Variants in SLC25A23 observed in about 807,000 individuals in gnomAD.
The protein encoded by SLC25A23 is solute carrier family 25 member 23, also known as mitochondrial adenyl nucleotide antiporter SLC25A23.
Under a neutral mutation model 53.9 loss-of-function variants are expected in SLC25A23, and 32 were observed. The observed-to-expected ratio is 0.59, with a 90% confidence interval of 0.45 to 0.80. The LOEUF (loss-of-function observed/expected upper bound fraction) is 0.80. SLC25A23 is among the 30% of genes least tolerant of loss of function. The probability of loss-of-function intolerance (pLI) is 0.00; values close to 1 mark genes in which losing one functional copy is unlikely to be tolerated. For missense variants in SLC25A23, 575 were observed against 651.4 expected, an observed-to-expected ratio of 0.88 and a Z score of 1.28; for synonymous variants, 275 against 264.5, an observed-to-expected ratio of 1.04 and a Z score of -0.38.
In SLC25A23 at chr19:6,454,294, A is replaced by G. The variant is rs2092641180; in HGVS notation, c.795+29T>C. The G allele has an allele frequency of 1.2e-6, 2 of 1,602,350 alleles. No individual in the cohort carries two copies. Among genetic ancestry groups the G allele is most frequent in the Non-Finnish European group, 1.7e-6 (2 of 1,172,892 alleles). ...GTACAGCCCAGTCTTCCCTATGGCA[A>G]GCACATTCCTCCCTGTACCTGCCCT... is the stretch of plus-strand genomic sequence containing the variant. On this transcript the variant is annotated intron_variant, in intron 6 of 9. Transcript: ENST00000301454. The surrounding 1 kb of genome is among the most constrained non-coding windows in gnomAD (Gnocchi z 4.3).
intron 4 of SLC25A23, chr19:6,456,008 T>G: frequency 7.7e-7 from 1 of 1,295,654 alleles, no homozygotes; most frequent in Non-Finnish European, 1.0e-6. Flanking sequence ...TGTGAGCCAC[T>G]GCGCCTGGCC....
At chr19:6,445,253 C>T (rs995769155) in intron 8 of SLC25A23, among the ~76,000 whole-genome samples, 7 of 152,140 alleles carry the variant, frequency 4.6e-5, no homozygotes, top group African/African-American at 1.2e-4. Flanking sequence ...GGATTACAAG[C>T]GTGTGCCATC....
At chr19:6,439,636 C>A (rs2092389819), downstream of SLC25A23, among the ~76,000 whole-genome samples, 1 of 151,234 alleles carries the variant, frequency 6.6e-6, no homozygotes, top group African/African-American at 2.4e-5. Context: ...CGAGACCAGC[C>A]TGGCCAACAT....
At chr19:6,439,434 C>G (rs1022157446), downstream of SLC25A23, among the ~76,000 whole-genome samples, 2 of 151,350 alleles carry the variant, frequency 1.3e-5, no homozygotes, top group East Asian at 2.0e-4. Context: ...CACACACACA[C>G]AGACACACAA....
chr19:6,458,345 A>G (rs2092712488), intron 1 of SLC25A23, 21 bp from the exon 2 acceptor site: 1 of 1,609,410 alleles, frequency 6.2e-7, no homozygotes, highest in Non-Finnish European at 8.5e-7. Context: ...GAAAGGGGAT[A>G]GAGGTGGCTC....
Position 6,452,439 on chromosome 19 carries a change from T to C in SLC25A23, c.944A>G (p.Tyr315Cys). The C allele has an allele frequency of 1.2e-6, 2 of 1,613,192 alleles. No homozygotes were observed. The highest frequency in any genetic ancestry group is 8.5e-7 in the Non-Finnish European group (1 of 1,179,438). The stretch of plus-strand genomic sequence containing the variant: ...CCTGGCGCAGTCCAGCAGCCCCTTA[T>C]ACTGGCCCGTCCGGCGCAAGGTCAG... Reference protein sequence around the residue: ...TRLTLRRTGQYKGLLDCARRI... With the variant: ...TRLTLRRTGQCKGLLDCARRI... Residue 315 changes from tyrosine to cysteine, a missense_variant, in exon 8 of 10, where the codon TAT becomes TGT. Tyr to Cys is a radical substitution (Grantham distance 194). Coordinates refer to ENST00000301454, the MANE Select transcript of SLC25A23 (RefSeq NM_024103.3).
chr19:6,446,170 C>A (rs1367579154), intron 8 of SLC25A23, among the ~76,000 whole-genome samples: 7 of 152,064 alleles, frequency 4.6e-5, no homozygotes, highest in Admixed American at 4.6e-4. Flanking sequence ...TCGAGACCAG[C>A]CTGGCCAATA....
chr19:6,441,677 G>T lies in SLC25A23; in HGVS notation c.*298C>A. ...GGATAATCTTGAATCTTGTGGTTAG[G>T]GTAGCAGACTTGAGTTGCTGAAGTA... is the stretch of plus-strand genomic sequence containing the variant. On this transcript the variant is annotated 3_prime_UTR_variant, in exon 10 of 10. Coordinates refer to ENST00000301454, the MANE Select transcript of SLC25A23 (RefSeq NM_024103.3). The T allele has an allele frequency of 4.6e-6, 2 of 439,092 alleles. No individual in the cohort carries two copies. Among genetic ancestry groups the T allele is most frequent in the Non-Finnish European group, 8.4e-6 (2 of 237,428 alleles). 27.2% of individuals were successfully genotyped at this position (439,092 alleles called of 1,614,324 possible). A position where few individuals can be genotyped will look rare whatever the true frequency, so the allele number is the denominator to read the frequency against.
chr19:6,442,171 C>CTGGGGGGGGGG lies in SLC25A23; in HGVS notation c.1223-13_1223-12insCCCCCCCCCCA. ...ACCCTCGATGGAGGCTGGGAGGGGGCGGGGGGGGCACCAGGTAAGGCCAAC... is the reference window on the plus strand; with the variant it reads ...ACCCTCGATGGAGGCTGGGAGGGGGCTGGGGGGGGGGGGGGGGGGCACCAGGTAAGGCCAAC... On this transcript the variant is annotated splice_polypyrimidine_tract_variant and intron_variant, in intron 9 of 9. Transcript: ENST00000301454. 1 of 597,880 alleles carries CTGGGGGGGGGG rather than the reference C, an allele frequency of 1.7e-6. No homozygotes were observed. Among genetic ancestry groups the CTGGGGGGGGGG allele is most frequent in the South Asian group, 2.1e-5 (1 of 46,782 alleles). The allele number at this position is 597,880 out of a possible 1,614,324, so 37.0% of individuals were successfully genotyped here. A position where few individuals can be genotyped will look rare whatever the true frequency, so the allele number is the denominator to read the frequency against.
rs76354476 is a variant in SLC25A23, at chr19:6,444,325, A to C, written c.1072-24T>G. The C allele has an allele frequency of 3.5e-3, 2,475 of 706,952 alleles. 34 individuals are homozygous for C. The African/African-American group carries it at 0.037, about 11-fold the overall frequency. 43.8% of individuals were successfully genotyped at this position (706,952 alleles called of 1,614,324 possible). ...GTCTGGAGTGGAGAAGGGAGTAGGG[A>C]GGGTTGGGGTGGGTGACCCTAGGAC... On this transcript the variant is annotated intron_variant, in intron 8 of 9. Coordinates refer to ENST00000301454, the MANE Select transcript of SLC25A23 (RefSeq NM_024103.3).
At position 6,441,985 on chromosome 19, in the gene SLC25A23, G is replaced by T. The variant is rs753323405; in HGVS notation, c.1397C>A (p.Thr466Lys). The change falls in exon 10 of 10, where the codon ACG becomes AAG. Residue 466 changes from threonine to lysine, a missense_variant. Physicochemically the swap from Thr to Lys is moderately conservative, Grantham distance 78. Transcript: ENST00000301454. ...CGGGCTCCGGGTCCCTCACCTGGAC[G>T]TGACCCCCAAGGCCTGCTTCATGTT... ...YENMKQALGV[T>K]SR is the part of the protein sequence containing the mutation. The T allele has an allele frequency of 1.2e-6, 2 of 1,613,598 alleles. No homozygotes were observed. The highest frequency in any genetic ancestry group is 1.7e-6 in the Non-Finnish European group (2 of 1,179,900).
chr19:6,452,199 C>T (rs956982637), intron 8 of SLC25A23, 113 bp downstream of exon 8: 1 of 1,443,112 alleles, frequency 6.9e-7, no homozygotes, highest in Non-Finnish European at 9.3e-7. Flanking sequence ...CTCATAACTG[C>T]CTTTCTCTAA....
downstream of SLC25A23, among the ~76,000 whole-genome samples, chr19:6,439,525 G>T (rs186754178): frequency 3.3e-5 from 5 of 151,842 alleles, no homozygotes; most frequent in East Asian, 9.7e-4. Flanking sequence ...ATTGAAATTT[G>T]TAATTTGAAA....
rs763652366 is a variant in SLC25A23 at position 6,441,943 on chromosome 19, G to A, written c.*32C>T. 186 of 1,604,010 alleles carry A rather than the reference G, an allele frequency of 1.2e-4. 4 individuals carry two copies. The Admixed American group carries it at 2.8e-3, about 25-fold the overall frequency. ...GTCTCCAGTGGCTGAGGTGTGGGGG[G>A]TGAGGGATTGGGGGGACGGGCTCCG... On this transcript the variant is annotated 3_prime_UTR_variant, in exon 10 of 10. Transcript: ENST00000301454.
At chr19:6,458,502 CCA>C (rs1473490794) in intron 1 of SLC25A23, among the ~76,000 whole-genome samples, 178 bp from the exon 2 acceptor site, 2 of 152,152 alleles carry the variant, frequency 1.3e-5, no homozygotes, top group African/African-American at 4.8e-5. Context: ...CCTACAGCCA[CCA>C]CAGGTCTGTG....
chr19:6,445,212 C>G (rs2092485647), intron 8 of SLC25A23, among the ~76,000 whole-genome samples: 1 of 151,864 alleles, frequency 6.6e-6, no homozygotes, highest in African/African-American at 2.4e-5. Context: ...TGGCTTCAAG[C>G]GATTCTCCTG....
rs1283247893 is a variant in SLC25A23, at chr19:6,459,018, C to T, written c.156+455G>A. 6.6e-6 allele frequency among the ~76,000 whole-genome samples: 1 copy of T among 152,214 alleles called. No individual in the cohort carries two copies. The highest frequency in any genetic ancestry group is 2.4e-5 in the African/African-American group (1 of 41,456). ...GCTGGGGCAGCCCGGGACAGTGAGC[C>T]AGGCCCGTGAACGGCCCATGAAAGG... is the stretch of plus-strand genomic sequence containing the variant. On this transcript the variant is annotated intron_variant, in intron 1 of 9. Coordinates refer to ENST00000301454, the MANE Select transcript of SLC25A23 (RefSeq NM_024103.3). The surrounding 1 kb of genome is among the most constrained non-coding windows in gnomAD (Gnocchi z 4.6).
intron 3 of SLC25A23, among the ~76,000 whole-genome samples, chr19:6,457,093 T>C (rs2092693220): frequency 6.9e-6 from 1 of 145,674 alleles, no homozygotes; most frequent in Non-Finnish European, 1.5e-5. Context: ...CCAGAAGGAG[T>C]CTCACTCCGT....
intron 8 of SLC25A23, 50 bp from the exon 9 acceptor site, chr19:6,444,351 C>T (rs199881527): frequency 5.1e-5 from 79 of 1,537,524 alleles, no homozygotes; most frequent in Non-Finnish European, 5.0e-5. Flanking sequence ...ACCCTAGGAC[C>T]CTGGCTTCAA....
Sources: gnomAD v4.1 joint callset for allele counts (sites outside exome capture counted in the v4.1 genomes callset) on GRCh38, gnomAD v4.1.1 for gene constraint, Gnocchi (gnomAD v3.1) non-coding constraint, MANE v1.5 for transcripts, NCBI Gene and HGNC (gene_info 2026-07-23, HGNC 2026-07-21) for gene names.